Variants in PEX5L observed in about 807,000 individuals in gnomAD.
The protein encoded by PEX5L is peroxisomal biogenesis factor 5 like, also known as PEX5-related protein.
PEX5L carries 30 observed loss-of-function variants against 84.0 expected under a neutral mutation model. The ratio of observed to expected loss-of-function variants is 0.36; its 90% CI spans 0.27 to 0.48. The LOEUF is 0.48. Among genes scored for constraint, PEX5L ranks in the 20% least tolerant of loss-of-function variants. The probability of loss-of-function intolerance (pLI) is 0.99; values close to 1 mark genes in which losing one functional copy is unlikely to be tolerated. For missense variants in PEX5L, 533 were observed against 754.6 expected (o/e 0.71, Z 3.44); for synonymous variants, 270 against 283.1 (o/e 0.95, Z 0.46).
intron 8 of PEX5L, among the ~76,000 whole-genome samples, chr3:179,831,336 C>A (rs9847559): frequency 1.3e-4 from 19 of 149,306 alleles, no homozygotes; most frequent in Admixed American, 1.1e-3. Context: ...AAAAAAAAAA[C>A]CTACAAGACC....
At chr3:179,851,235 T>C (rs1451989749) in intron 8 of PEX5L, among the ~76,000 whole-genome samples, 1 of 152,204 alleles carries the variant, frequency 6.6e-6, no homozygotes, top group Admixed American at 6.5e-5. Context: ...CAAACATTTA[T>C]TTCTCACAGT....
chr3:180,008,736 T>C (rs6798562), intron 1 of PEX5L, among the ~76,000 whole-genome samples: 2 of 152,050 alleles, frequency 1.3e-5, no homozygotes, highest in African/African-American at 4.8e-5. Context: ...CCATCAGATC[T>C]CATGAGACTT....
chr3:179,874,094 A>G (rs1751290753), intron 7 of PEX5L, among the ~76,000 whole-genome samples: 1 of 151,914 alleles, frequency 6.6e-6, no homozygotes, highest in African/African-American at 2.4e-5. Context: ...TACACAGTGA[A>G]TTCATTAACA....
In PEX5L at chr3:179,797,812, AAAGT is replaced by A. The variant is rs1433592076; in HGVS notation, c.*4012_*4015del. ...AGAGGGTTCAAAAAGGATGGCATAT[AAAGT>A]AAGCCTTTAGAATACCCTGTTTCTA... On this transcript the variant is annotated 3_prime_UTR_variant, in exon 15 of 15. Coordinates refer to ENST00000467460, the MANE Select transcript of PEX5L (RefSeq NM_016559.3). The A allele has an allele frequency of 6.6e-6, 1 of 152,084 alleles. No homozygotes were observed. The highest frequency in any genetic ancestry group is 1.5e-5 in the Non-Finnish European group (1 of 68,010). The allele number at this position is 152,084 out of a possible 1,614,324, so 9.4% of individuals were successfully genotyped here.
chr3:179,817,198 G>C (rs972835838), intron 9 of PEX5L, among the ~76,000 whole-genome samples: 4 of 151,910 alleles, frequency 2.6e-5, no homozygotes, highest in Non-Finnish European at 5.9e-5. Flanking sequence ...ATGTTTTAAA[G>C]TTAAAGATTT....
intron 1 of PEX5L, among the ~76,000 whole-genome samples, 200 bp downstream of exon 1, chr3:180,036,379 A>ACAG (rs1407546318): frequency 2.0e-5 from 3 of 152,138 alleles, no homozygotes; most frequent in African/African-American, 7.2e-5. Context: ...CGAAGTTCTG[A>ACAG]GGTCTTCCCT....
At chr3:179,893,060 G>C (rs568493276) in intron 3 of PEX5L, among the ~76,000 whole-genome samples, 69 of 152,066 alleles carry the variant, frequency 4.5e-4, no homozygotes, top group Non-Finnish European at 7.4e-4. Context: ...TTGCATGTAG[G>C]GGCTTGTTGT....
chr3:179,924,885 T>G (rs1167380504), intron 2 of PEX5L, among the ~76,000 whole-genome samples: 1 of 152,202 alleles, frequency 6.6e-6, no homozygotes, highest in Non-Finnish European at 1.5e-5. Context: ...TAAAAAGTAC[T>G]GCAAAGCACT....
intron 2 of PEX5L, among the ~76,000 whole-genome samples, chr3:179,898,548 T>G (rs1171280965): frequency 6.6e-6 from 1 of 152,166 alleles, no homozygotes; most frequent in Non-Finnish European, 1.5e-5. Context: ...TTTTGTAATA[T>G]CAATTTAAAA....
Position 179,795,741 on chromosome 3 carries a change from A to C in PEX5L, c.*6087T>G, listed in dbSNP as rs954328155. 3 of 152,334 alleles carry C rather than the reference A, an allele frequency of 2.0e-5. No individual in the cohort carries two copies. Among genetic ancestry groups the C allele is most frequent in the East Asian group, 1.9e-4 (1 of 5,192 alleles). 9.4% of individuals were successfully genotyped at this position (152,334 alleles called of 1,614,324 possible). ...GAGCATGAGGAGGAAGCATCACAGA[A>C]GAATTGTCTCAAAACAACATTTTTA... is the stretch of plus-strand genomic sequence containing the variant. On this transcript the variant is annotated 3_prime_UTR_variant, in exon 15 of 15. Coordinates refer to ENST00000467460, the MANE Select transcript of PEX5L (RefSeq NM_016559.3).
intron 2 of PEX5L, among the ~76,000 whole-genome samples, chr3:179,948,946 G>T (rs995912456): frequency 2.6e-5 from 4 of 152,192 alleles, no homozygotes; most frequent in South Asian, 2.1e-4. Context: ...CGTGCAAAGA[G>T]ACTTTAATAA....
chr3:179,995,193 A>G (rs1044947779), intron 1 of PEX5L, among the ~76,000 whole-genome samples: 2 of 148,018 alleles, frequency 1.4e-5, no homozygotes, highest in African/African-American at 4.9e-5. Context: ...TATATACTAT[A>G]TATAGTGTGT....
intron 2 of PEX5L, among the ~76,000 whole-genome samples, chr3:179,942,706 G>C (rs1177749680): frequency 1.3e-5 from 2 of 152,194 alleles, no homozygotes; most frequent in African/African-American, 4.8e-5. Context: ...TGAGTCTCCT[G>C]TATACTCGAC....
At chr3:179,930,670 G>C (rs1772841173) in intron 2 of PEX5L, among the ~76,000 whole-genome samples, 1 of 152,114 alleles carries the variant, frequency 6.6e-6, no homozygotes, top group Non-Finnish European at 1.5e-5. Flanking sequence ...AATCCTATTT[G>C]AGCAGTTAAA....
chr3:179,901,766 A>G (rs1380529202), intron 2 of PEX5L, among the ~76,000 whole-genome samples: 1 of 152,228 alleles, frequency 6.6e-6, no homozygotes, highest in Non-Finnish European at 1.5e-5. Flanking sequence ...ACAGAATGAC[A>G]GCTTTCCTAA....
intron 2 of PEX5L, among the ~76,000 whole-genome samples, chr3:179,918,395 C>T (rs999571274): frequency 2.0e-5 from 3 of 152,166 alleles, no homozygotes; most frequent in African/African-American, 2.4e-5. Context: ...GGGATAGGTA[C>T]GTCTGACTTT....
At chr3:179,947,831 C>T (rs950847644) in intron 2 of PEX5L, among the ~76,000 whole-genome samples, 3 of 151,536 alleles carry the variant, frequency 2.0e-5, no homozygotes, top group Non-Finnish European at 4.4e-5. Flanking sequence ...CTCAGCCTCC[C>T]GAGTAGCTGG....
At chr3:179,926,109 C>A (rs997871140) in intron 2 of PEX5L, among the ~76,000 whole-genome samples, 3 of 152,094 alleles carry the variant, frequency 2.0e-5, no homozygotes, top group Non-Finnish European at 4.4e-5. Flanking sequence ...TTTTTCCTCA[C>A]CTGCAATATC....
intron 1 of PEX5L, among the ~76,000 whole-genome samples, chr3:179,992,039 C>T (rs1579260212): frequency 6.6e-6 from 1 of 152,246 alleles, no homozygotes; most frequent in Non-Finnish European, 1.5e-5. Flanking sequence ...GATGTTATCT[C>T]CTGAGCCCTA....
Sources: gnomAD v4.1 joint callset for allele counts (sites outside exome capture counted in the v4.1 genomes callset) on GRCh38, gnomAD v4.1.1 for gene constraint, MANE v1.5 for transcripts, NCBI Gene and HGNC (gene_info 2026-07-23, HGNC 2026-07-21) for gene names.